The following RYR3 variants were observed in gnomAD, a reference collection of about 807,000 sequenced individuals.
RYR3 encodes ryanodine receptor 3.
In RYR3, 207 loss-of-function variants were observed where a neutral mutation model predicts 584.3. The observed-to-expected ratio is 0.35, with a 90% CI of 0.32 to 0.40. The LOEUF is 0.40. Ranked by LOEUF, RYR3 falls within the 10% of genes least tolerant of loss-of-function variation. The pLI is 1.00. For synonymous variants in RYR3, 2,416 were observed against 2,248.5 expected (o/e 1.07, Z -2.11); for missense variants, 5,616 against 6,089.2 (o/e 0.92, Z 2.59).
At chr15:33,826,310 A>T (rs201234754) in intron 83 of RYR3, 41 bp downstream of exon 83, 3 of 1,599,686 alleles carry the variant, frequency 1.9e-6, no homozygotes, top group South Asian at 2.2e-5. Context: ...CCGTGTGTGA[A>T]TCCTAGGAGA....
At chr15:33,854,591 A>T (rs141633392) in intron 97 of RYR3, 142 bp downstream of exon 97, 1 of 1,047,390 alleles carries the variant, frequency 9.5e-7, no homozygotes, top group African/African-American at 1.6e-5. Flanking sequence ...GGGAACACTT[A>T]TACAATGGTA....
intron 64 of RYR3, 96 bp downstream of exon 64, chr15:33,773,711 A>T: frequency 1.2e-6 from 1 of 818,698 alleles, no homozygotes; most frequent in Non-Finnish European, 2.0e-6. Context: ...ATCCAGCAAG[A>T]CCAAAATGCT....
chr15:33,661,345 G>A (rs931017299), intron 34 of RYR3, among the ~76,000 whole-genome samples: 3 of 152,210 alleles, frequency 2.0e-5, no homozygotes, highest in African/African-American at 7.2e-5. Flanking sequence ...TTTCAGGTTG[G>A]AAGGTGTTTC....
At chr15:33,569,636 T>C (rs376351562) in intron 12 of RYR3, among the ~76,000 whole-genome samples, 99 of 152,336 alleles carry the variant, frequency 6.5e-4, no homozygotes, top group African/African-American at 2.3e-3. Flanking sequence ...GTTTATTCAA[T>C]TGGGTATGTT....
intron 74 of RYR3, chr15:33,815,961 C>T (rs1343770740): frequency 1.5e-5 from 6 of 398,292 alleles, no homozygotes; most frequent in African/African-American, 4.1e-5. Flanking sequence ...GAGACCTGCT[C>T]ATTCTCTGCA....
chr15:33,791,646 A>T (rs1302710333), intron 67 of RYR3, among the ~76,000 whole-genome samples: 1 of 152,232 alleles, frequency 6.6e-6, no homozygotes, highest in Non-Finnish European at 1.5e-5. Context: ...AAGACCCATC[A>T]GCACATTGTC....
intron 3 of RYR3, among the ~76,000 whole-genome samples, chr15:33,519,989 T>C (rs1242572782): frequency 1.3e-5 from 2 of 152,056 alleles, no homozygotes; most frequent in Non-Finnish European, 2.9e-5. Context: ...ACTAGGAAAA[T>C]CATAGTTGAG....
chr15:33,373,316 G>C (rs2040481906), intron 1 of RYR3, among the ~76,000 whole-genome samples: 2 of 152,134 alleles, frequency 1.3e-5, no homozygotes, highest in Admixed American at 1.3e-4. Context: ...AAGAGATCCA[G>C]ATGATGTGAT....
At chr15:33,723,286 T>C (rs1262088884) in intron 44 of RYR3, among the ~76,000 whole-genome samples, 1 of 152,208 alleles carries the variant, frequency 6.6e-6, no homozygotes, top group Non-Finnish European at 1.5e-5. Context: ...TAAAAACAGA[T>C]AGTGCCTCCA....
intron 1 of RYR3, among the ~76,000 whole-genome samples, chr15:33,425,922 A>G (rs34444482): frequency 0.059 from 8,967 of 152,226 alleles, 283 homozygotes; most frequent in Non-Finnish European, 0.069. Context: ...GATTACAGGC[A>G]TGAGCCACCG....
chr15:33,560,238 G>A (rs2057327224), intron 10 of RYR3, among the ~76,000 whole-genome samples: 1 of 152,074 alleles, frequency 6.6e-6, no homozygotes, highest in Admixed American at 6.5e-5. Flanking sequence ...TTATTGTTTA[G>A]GGTTGCATTG....
At chr15:33,379,687 C>CTCTATATATATATATATATA in intron 1 of RYR3, among the ~76,000 whole-genome samples, 5 of 125,516 alleles carry the variant, frequency 4.0e-5, no homozygotes, top group African/African-American at 1.8e-4. Context: ...CTCTCTCTCT[C>CTCTATATATATATATATATA]TATATATATA....
At position 33,372,358 on chromosome 15, in the gene RYR3, ATTTTTTTTTTTTTTT is replaced by A. The variant is rs59663566; in HGVS notation, c.51+61273_51+61287del. On this transcript the variant is annotated intron_variant, in intron 1 of 103. Transcript: ENST00000634891. Reference sequence around the variant, plus strand: ...AGATGCACTCTGCCATGCCCGGCTAATTTTTTTTTTTTTTTTTTTTTTTTTGGAGGTGGAGTCTCA... The same window carrying A: ...AGATGCACTCTGCCATGCCCGGCTAATTTTTTTTTTGGAGGTGGAGTCTCA... Among the ~76,000 whole-genome samples the A allele has an allele frequency of 4.0e-5, 3 of 75,552 alleles. No homozygotes were observed. In the Admixed American group the frequency reaches 4.8e-4, roughly 12 times the overall value. 49.6% of individuals were successfully genotyped at this position (75,552 alleles called of 152,430 possible).
chr15:33,831,329 A>C (rs543335431), intron 86 of RYR3, among the ~76,000 whole-genome samples: 2 of 152,380 alleles, frequency 1.3e-5, no homozygotes, highest in South Asian at 4.1e-4. Context: ...GCATTTATCT[A>C]GCTACATTTT....
At chr15:33,757,878 G>A (rs2072008978) in intron 60 of RYR3, 1 of 413,880 alleles carries the variant, frequency 2.4e-6, no homozygotes, top group Non-Finnish European at 4.4e-6. Context: ...AACAGCTCTG[G>A]TCTGTAGCTC....
intron 1 of RYR3, chr15:33,465,658 ACT>A (rs1252734737): frequency 1.2e-5 from 6 of 511,412 alleles, no homozygotes; most frequent in Admixed American, 7.9e-5. Context: ...TTTTTAAAAG[ACT>A]CTGGCTACTG....
chr15:33,633,937 A>G (rs1342026810), intron 24 of RYR3, among the ~76,000 whole-genome samples: 2 of 152,262 alleles, frequency 1.3e-5, no homozygotes, highest in Admixed American at 6.5e-5. Context: ...GATCTTCCAT[A>G]GGGAAATCAT....
At chr15:33,468,640 T>C (rs2048678195) in intron 1 of RYR3, among the ~76,000 whole-genome samples, 1 of 152,180 alleles carries the variant, frequency 6.6e-6, no homozygotes, top group Non-Finnish European at 1.5e-5. Flanking sequence ...GTTTCCAGCT[T>C]GGATGGGAAA....
intron 9 of RYR3, 63 bp downstream of exon 9, chr15:33,548,267 C>T: frequency 1.0e-6 from 1 of 993,714 alleles, no homozygotes. Flanking sequence ...AGGCCGTTCT[C>T]TTAAATATTT....
Sources: gnomAD v4.1 joint callset for allele counts (sites outside exome capture counted in the v4.1 genomes callset) on GRCh38, gnomAD v4.1.1 for gene constraint, MANE v1.5 for transcripts, NCBI Gene and HGNC (gene_info 2026-07-23, HGNC 2026-07-21) for gene names.